Variants in AK8 observed in about 807,000 individuals in gnomAD.
AK8 encodes the protein adenylate kinase 8, also known as ATP-AMP transphosphorylase 8.
AK8 carries 44 observed loss-of-function variants against 54.6 expected under a neutral mutation model. The observed-to-expected ratio is 0.81, with a 90% CI of 0.63 to 1.04. The LOEUF (loss-of-function observed/expected upper bound fraction) is 1.04. Among genes scored for constraint, AK8 ranks in the 50% least tolerant of loss-of-function variants. The pLI, the probability that AK8 is intolerant of heterozygous loss-of-function variation, is 0.00. For synonymous variants in AK8, 239 were observed against 245.6 expected (o/e 0.97, Z 0.25); for missense variants, 555 against 613.6 (o/e 0.90, Z 1.01).
At chr9:132,820,422 GTTTATT>G (rs1309886450) in intron 9 of AK8, among the ~76,000 whole-genome samples, 1 of 152,070 alleles carries the variant, frequency 6.6e-6, no homozygotes, top group East Asian at 1.9e-4. Context: ...CACTTTACAG[GTTTATT>G]TTTAACAGCT....
rs1050125011 is a variant in AK8 at position 132,770,610 on chromosome 9, C to T, written c.1121+22024G>A. Among the ~76,000 whole-genome samples, 7 of 152,148 alleles carry T rather than the reference C, an allele frequency of 4.6e-5. No homozygotes were observed. Among genetic ancestry groups the T allele is most frequent in the Non-Finnish European group, 8.8e-5 (6 of 68,022 alleles). ...TCCGGGATTGAATTGGCTGGGAAGC[C>T]GGTCCCATTTCAACAGAGACCTGGG... On this transcript the variant is annotated intron_variant, in intron 11 of 12. Coordinates refer to ENST00000298545, the MANE Select transcript of AK8 (RefSeq NM_152572.3). This position sits in a 1 kb window ranked among gnomAD's most constrained non-coding sequence, Gnocchi z 4.3.
At chr9:132,754,928 T>C (rs1247095482) in intron 11 of AK8, among the ~76,000 whole-genome samples, 2 of 151,998 alleles carry the variant, frequency 1.3e-5, no homozygotes, top group African/African-American at 4.8e-5. Context: ...GCCTCCCAAG[T>C]ACCTGGGATT....
rs1330030602 is a variant in AK8, at chr9:132,790,918, A to AT, written c.1121+1715dup. Among the ~76,000 whole-genome samples the AT allele has an allele frequency of 6.6e-6, 1 of 152,206 alleles. No individual in the cohort carries two copies. The highest frequency in any genetic ancestry group is 1.9e-4 in the East Asian group (1 of 5,202). On this transcript the variant is annotated intron_variant, in intron 11 of 12. Transcript: ENST00000298545. This position sits in a 1 kb window ranked among gnomAD's most constrained non-coding sequence, Gnocchi z 4.1. ...CCCTTAGAAAATATGGAATGAAAAT[A>AT]TCTTATTATAATATCAGTAAGAAGA...
rs772177520 is a variant in AK8, at chr9:132,792,687, C to T, written c.1068G>A (p.Pro356=). The T allele has an allele frequency of 5.1e-5, 79 of 1,556,088 alleles. No individual in the cohort carries two copies. Among genetic ancestry groups the T allele is most frequent in the South Asian group, 2.5e-4 (21 of 84,284 alleles). The stretch of plus-strand genomic sequence containing the variant: ...GCAGGTGTGCCTGGTCGAGGTCCCG[C>T]GGGACGCCGTGTAGCACCCAGCCTT... ...IQKGWVLHGV[P]RDLDQAHLLN... Residue 356 remains proline, a synonymous_variant, in exon 11 of 13, where the codon CCG becomes CCA. Transcript: ENST00000298545.
chr9:132,862,939 C>A (rs1317663973), intron 4 of AK8, among the ~76,000 whole-genome samples: 1 of 152,212 alleles, frequency 6.6e-6, no homozygotes, highest in Non-Finnish European at 1.5e-5. Context: ...TCCCAAGTTG[C>A]AGGGACTACA....
intron 4 of AK8, among the ~76,000 whole-genome samples, chr9:132,859,260 G>GT (rs1025988509): frequency 4.6e-5 from 7 of 151,710 alleles, no homozygotes; most frequent in Non-Finnish European, 7.4e-5. Flanking sequence ...GGCTCACGTT[G>GT]TTTTTTTTCT....
rs780961738 is a variant in AK8, at chr9:132,825,768, C to T, written c.757+1086G>A. Among the ~76,000 whole-genome samples the T allele has an allele frequency of 1.2e-4, 19 of 152,296 alleles. 1 individual carries two copies. The highest frequency in any genetic ancestry group is 3.4e-3 in the Middle Eastern group (1 of 294). ...GGCTTGAGGGAGCTCAAAACCACTT[C>T]CCCGGCAAAACAGGACTTTTCTTGG... is the stretch of plus-strand genomic sequence containing the variant. On this transcript the variant is annotated intron_variant, in intron 8 of 12. Transcript: ENST00000298545.
At chr9:132,807,195 G>C (rs943500621) in intron 10 of AK8, among the ~76,000 whole-genome samples, 2 of 152,166 alleles carry the variant, frequency 1.3e-5, no homozygotes, top group South Asian at 2.1e-4. Flanking sequence ...TGCTGGGGGG[G>C]GCGGGGCCAC....
chr9:132,823,100 C>T (rs1250379063), intron 9 of AK8, 105 bp downstream of exon 9: 1 of 1,438,580 alleles, frequency 7.0e-7, no homozygotes, highest in Non-Finnish European at 9.2e-7. Flanking sequence ...TGATACTGAC[C>T]CTTCCCCCCC....
At chr9:132,772,020 T>G (rs1839001321) in intron 11 of AK8, among the ~76,000 whole-genome samples, 1 of 152,176 alleles carries the variant, frequency 6.6e-6, no homozygotes, top group Non-Finnish European at 1.5e-5. Context: ...CTCATGAGAC[T>G]TATTCACTAT....
chr9:132,817,857 C>A (rs1317424011), intron 9 of AK8, among the ~76,000 whole-genome samples: 1 of 152,166 alleles, frequency 6.6e-6, no homozygotes, highest in Non-Finnish European at 1.5e-5. Flanking sequence ...TCAGCCCACA[C>A]ACCCAAGAAT....
chr9:132,754,807 T>TTC (rs1838109971), intron 11 of AK8, among the ~76,000 whole-genome samples: 3 of 151,876 alleles, frequency 2.0e-5, no homozygotes, highest in African/African-American at 7.3e-5. Flanking sequence ...TTGGTTTTTT[T>TTC]TTTTTTTTTG....
At chr9:132,798,210 G>A (rs1410321522) in intron 10 of AK8, among the ~76,000 whole-genome samples, 1 of 152,180 alleles carries the variant, frequency 6.6e-6, no homozygotes, top group Non-Finnish European at 1.5e-5. Context: ...GGAGTGAGGG[G>A]TGAACCCTGA....
rs557792143 is a variant in AK8, at chr9:132,740,184, C to T, written c.1122-12650G>A. ...GCACGGATTACTGTTCCCATTTTAC[C>T]AACACGGGTACTGGTCAGACAGCCA... is the stretch of plus-strand genomic sequence containing the variant. On this transcript the variant is annotated intron_variant, in intron 11 of 12. Coordinates refer to ENST00000298545, the MANE Select transcript of AK8 (RefSeq NM_152572.3). Among the ~76,000 whole-genome samples the T allele has an allele frequency of 2.7e-4, 41 of 152,330 alleles. 1 individual carries two copies. In the South Asian group the frequency reaches 7.0e-3, roughly 26 times the overall value.
intron 5 of AK8, among the ~76,000 whole-genome samples, chr9:132,852,289 C>T (rs1286053509): frequency 6.6e-6 from 1 of 152,164 alleles, no homozygotes; most frequent in South Asian, 2.1e-4. Flanking sequence ...GCCTGGCCAA[C>T]ATGGTGAAAC....
At chr9:132,783,859 ACAGT>A (rs2131137975) in intron 11 of AK8, among the ~76,000 whole-genome samples, 1 of 152,320 alleles carries the variant, frequency 6.6e-6, no homozygotes, top group Non-Finnish European at 1.5e-5. Context: ...ACAGCAGAAA[ACAGT>A]CAGTTACCAT....
intron 11 of AK8, among the ~76,000 whole-genome samples, chr9:132,739,189 C>T (rs1837251459): frequency 6.6e-6 from 1 of 151,664 alleles, no homozygotes; most frequent in African/African-American, 2.4e-5. Flanking sequence ...GTGGCTCATA[C>T]CTATAATCCC....
intron 5 of AK8, among the ~76,000 whole-genome samples, chr9:132,849,346 A>C (rs569375640): frequency 6.6e-6 from 1 of 152,332 alleles, no homozygotes; most frequent in East Asian, 1.9e-4. Flanking sequence ...TTCTAAGATA[A>C]AAGTCTTTCT....
In AK8 at chr9:132,860,157, G is replaced by C. The variant is rs1843328428; in HGVS notation, c.333+3508C>G. ...TTCAGGGCATCAAACGTCTCTTCCA[G>C]CCCGGCCTGGACCCAGAAGCATCAC... On this transcript the variant is annotated intron_variant, in intron 4 of 12. Transcript: ENST00000298545. This position sits in a 1 kb window ranked among gnomAD's most constrained non-coding sequence, Gnocchi z 4.4. 6.6e-6 allele frequency among the ~76,000 whole-genome samples: 1 copy of C among 152,096 alleles called. No individual in the cohort carries two copies. Among genetic ancestry groups the C allele is most frequent in the Non-Finnish European group, 1.5e-5 (1 of 68,010 alleles).
Sources: gnomAD v4.1 joint callset for allele counts (sites outside exome capture counted in the v4.1 genomes callset) on GRCh38, gnomAD v4.1.1 for gene constraint, Gnocchi (gnomAD v3.1) non-coding constraint, MANE v1.5 for transcripts, NCBI Gene and HGNC (gene_info 2026-07-23, HGNC 2026-07-21) for gene names.